Variants in SLC44A5 observed in about 807,000 individuals in gnomAD.
SLC44A5 encodes the protein choline transporter-like protein 5.
SLC44A5 carries 57 observed loss-of-function variants against 101.8 expected under a neutral mutation model. That is an observed-to-expected ratio of 0.56 (90% CI 0.45 to 0.70). The LOEUF is 0.70. Ranked by LOEUF, SLC44A5 falls within the 30% of genes least tolerant of loss-of-function variation. The pLI, the probability that SLC44A5 is intolerant of heterozygous loss-of-function variation, is 0.00. For missense variants in SLC44A5, 737 were observed against 853.1 expected (o/e 0.86, Z 1.70); for synonymous variants, 281 against 290.9 (o/e 0.97, Z 0.35).
chr1:75,443,340 A>G (rs1236509553), intron 2 of SLC44A5, among the ~76,000 whole-genome samples: 3 of 152,022 alleles, frequency 2.0e-5, no homozygotes, highest in Non-Finnish European at 4.4e-5. Flanking sequence ...CAGAAAGACT[A>G]AAAGCTTTGA....
At chr1:75,314,234 T>C (rs1182815109) in intron 4 of SLC44A5, among the ~76,000 whole-genome samples, 1 of 152,160 alleles carries the variant, frequency 6.6e-6, no homozygotes, top group Non-Finnish European at 1.5e-5. Context: ...GACTCATGCA[T>C]CTCTTTGTCT....
chr1:75,449,030 C>T (rs889352995), intron 2 of SLC44A5, among the ~76,000 whole-genome samples: 2 of 152,164 alleles, frequency 1.3e-5, no homozygotes, highest in Admixed American at 1.3e-4. Flanking sequence ...ATCCCTCTGA[C>T]AAGAATATTC....
At chr1:75,544,526 C>CAA (rs1553201410) in intron 1 of SLC44A5, among the ~76,000 whole-genome samples, 2,315 of 149,488 alleles carry the variant, frequency 0.015, 594 homozygotes, top group African/African-American at 0.051. Context: ...CACACACACA[C>CAA]AACAAAATAC....
chr1:75,506,365 T>G (rs575569037), intron 2 of SLC44A5, among the ~76,000 whole-genome samples: 2 of 152,204 alleles, frequency 1.3e-5, no homozygotes, highest in Non-Finnish European at 2.9e-5. Flanking sequence ...AACTTTAGAA[T>G]AGTTTGTTTC....
At chr1:75,298,711 T>C (rs555544764) in intron 5 of SLC44A5, among the ~76,000 whole-genome samples, 7 of 152,264 alleles carry the variant, frequency 4.6e-5, no homozygotes, top group African/African-American at 1.2e-4. Flanking sequence ...AGTTCCTGTG[T>C]GCAGTCAAAC....
At chr1:75,264,675 G>A (rs921885323) in intron 6 of SLC44A5, among the ~76,000 whole-genome samples, 1 of 151,978 alleles carries the variant, frequency 6.6e-6, no homozygotes, top group Non-Finnish European at 1.5e-5. Flanking sequence ...TGGCAGTAAT[G>A]ACCTACATCA....
At chr1:75,621,717 C>T in the SLC44A5 span, among the ~76,000 whole-genome samples, 2 of 152,016 alleles carry the variant, frequency 1.3e-5, no homozygotes, top group Non-Finnish European at 2.9e-5. Context: ...TGTTGAAAAA[C>T]CACATTGTAT....
At chr1:75,575,797 G>A (rs1414504714) in intron 1 of SLC44A5, among the ~76,000 whole-genome samples, 1 of 152,172 alleles carries the variant, frequency 6.6e-6, no homozygotes, top group Admixed American at 6.5e-5. Flanking sequence ...TGTGTGGTGA[G>A]TTAACCATAA....
In SLC44A5 at chr1:75,202,790, A is replaced by C. The variant is rs935912684; in HGVS notation, c.*937T>G. On this transcript the variant is annotated 3_prime_UTR_variant, in exon 24 of 24. Transcript: ENST00000370859. ...ATCTTTGTAAAACACTGAGAAATGC[A>C]GTATTATACCTATTGTATTTTCAAA... 7.9e-5 allele frequency: 12 copies of C among 152,140 alleles called. No individual in the cohort carries two copies. Among genetic ancestry groups the C allele is most frequent in the Non-Finnish European group, 1.6e-4 (11 of 68,020 alleles). The allele number at this position is 152,140 out of a possible 1,614,324, so 9.4% of individuals were successfully genotyped here.
chr1:75,329,295 C>T (rs1570690120), intron 4 of SLC44A5, among the ~76,000 whole-genome samples: 2 of 152,098 alleles, frequency 1.3e-5, no homozygotes, highest in Middle Eastern at 3.2e-3. Flanking sequence ...GAGCCTGCAC[C>T]GCAGACTACA....
At chr1:75,495,488 G>T (rs761216286) in intron 2 of SLC44A5, among the ~76,000 whole-genome samples, 114 of 151,804 alleles carry the variant, frequency 7.5e-4, no homozygotes, top group Non-Finnish European at 1.4e-3. Context: ...AAGTCATAAA[G>T]ATGCTCAATG....
At chr1:75,357,525 A>G (rs953361192) in intron 3 of SLC44A5, among the ~76,000 whole-genome samples, 1 of 152,188 alleles carries the variant, frequency 6.6e-6, no homozygotes, top group Non-Finnish European at 1.5e-5. Context: ...GTAACACAAG[A>G]AGTCAAAGAG....
At position 75,225,089 on chromosome 1, in the gene SLC44A5, C is replaced by T. The variant is rs116645332; in HGVS notation, c.986-2629G>A. Among the ~76,000 whole-genome samples the T allele has an allele frequency of 5.8e-3, 879 of 152,296 alleles. 6 individuals are homozygous for T. Among genetic ancestry groups the T allele is most frequent in the Non-Finnish European group, 7.1e-3 (486 of 68,016 alleles). On this transcript the variant is annotated intron_variant, in intron 13 of 23. Transcript: ENST00000370859. The stretch of plus-strand genomic sequence containing the variant: ...ACTCACTTACTGACACCCAGAACAA[C>T]TTCCAGTCCTGCAAGCTCCATTCAT...
chr1:75,246,992 T>C (rs895979808), intron 7 of SLC44A5, among the ~76,000 whole-genome samples: 1 of 152,144 alleles, frequency 6.6e-6, no homozygotes, highest in Middle Eastern at 3.4e-3. Flanking sequence ...TTCATATAAG[T>C]AACTTGGGAA....
intron 1 of SLC44A5, among the ~76,000 whole-genome samples, chr1:75,587,681 C>A (rs1420236608): frequency 6.6e-6 from 1 of 152,146 alleles, no homozygotes; most frequent in Non-Finnish European, 1.5e-5. Context: ...TATATTAAGT[C>A]TAATATTGGT....
chr1:75,280,442 A>ATATTGTATATAATATATATT (rs1557614237), intron 5 of SLC44A5, among the ~76,000 whole-genome samples: 3 of 23,844 alleles, frequency 1.3e-4, no homozygotes, highest in African/African-American at 5.1e-4. Flanking sequence ...TATTATATAT[A>ATATTGTATATAATATATATT]GTATATATTA....
the SLC44A5 span, among the ~76,000 whole-genome samples, chr1:75,679,646 C>A: frequency 6.6e-6 from 1 of 151,832 alleles, no homozygotes; most frequent in Non-Finnish European, 1.5e-5. Flanking sequence ...TGGTACCAGC[C>A]GCTGCAAAAT....
intron 9 of SLC44A5, among the ~76,000 whole-genome samples, chr1:75,240,024 T>C (rs1648478015): frequency 6.6e-6 from 1 of 152,110 alleles, no homozygotes; most frequent in African/African-American, 2.4e-5. Flanking sequence ...AGAGGGTCCC[T>C]TGACCTTATT....
intron 2 of SLC44A5, among the ~76,000 whole-genome samples, chr1:75,462,378 C>A (rs72988769): frequency 0.029 from 4,375 of 152,204 alleles, 211 homozygotes; most frequent in African/African-American, 0.1. Context: ...ACACTTACGT[C>A]TTTTAGAATA....
Sources: gnomAD v4.1 joint callset for allele counts (sites outside exome capture counted in the v4.1 genomes callset) on GRCh38, gnomAD v4.1.1 for gene constraint, MANE v1.5 for transcripts, NCBI Gene and HGNC (gene_info 2026-07-23, HGNC 2026-07-21) for gene names.